Variants in SERHL2 observed in about 807,000 individuals in gnomAD.
SERHL2 encodes the protein serine hydrolase-like protein 2.
Under a neutral mutation model 25.5 loss-of-function variants are expected in SERHL2, and 29 were observed. The observed-to-expected ratio is 1.14, with a 90% confidence interval of 0.85 to 1.55. The LOEUF (loss-of-function observed/expected upper bound fraction) is 1.55. Among genes scored for constraint, SERHL2 ranks in the 40% most tolerant of loss-of-function variants. The pLI, the probability that SERHL2 is intolerant of heterozygous loss-of-function variation, is 0.00. For missense variants in SERHL2, 240 were observed against 252.3 expected (o/e 0.95, Z 0.33); for synonymous variants, 95 against 103.5 (o/e 0.92, Z 0.50).
chr22:42,560,388 C>T (rs755546211), intron 8 of SERHL2, 123 bp downstream of exon 8: 24 of 712,916 alleles, frequency 3.4e-5, no homozygotes, highest in Non-Finnish European at 5.5e-5. Flanking sequence ...CACTGAATCC[C>T]CCTCCTGCCT....
In SERHL2 at chr22:42,574,030, C is replaced by T. The variant is rs1924658483; in HGVS notation, c.920C>T (p.Thr307Ile). ...ASIISSFLQC[T>I]HMLPAQL ...ATCATCAGCTCCTTCTTACAGTGCA[C>T]ACACATGCTCCCAGCCCAGCTGTAG... The change falls in exon 12 of 12, where the codon ACA (threonine) becomes ATA (isoleucine). Residue 307 changes from threonine (T) to isoleucine (I), a missense_variant. By Grantham distance (89) the Thr-to-Ile change is moderately conservative. Transcript: ENST00000327678. 1 of 1,612,432 alleles carries T rather than the reference C, an allele frequency of 6.2e-7. No individual in the cohort carries two copies. The highest frequency in any genetic ancestry group is 8.5e-7 in the Non-Finnish European group (1 of 1,179,104).
At chr22:42,556,017 T>TGGGGA in intron 4 of SERHL2, 47 bp from the exon 5 acceptor site, 1 of 465,234 alleles carries the variant, frequency 2.1e-6, no homozygotes, top group East Asian at 1.2e-4. Flanking sequence ...GGTATGCAGC[T>TGGGGA]GGGGAGGGAG....
chr22:42,574,296 A>G lies in SERHL2; in HGVS notation c.*241A>G. 1 of 546,350 alleles carries G rather than the reference A, an allele frequency of 1.8e-6. No homozygotes were observed. Among genetic ancestry groups the G allele is most frequent in the South Asian group, 2.3e-5 (1 of 43,458 alleles). 33.8% of individuals were successfully genotyped at this position (546,350 alleles called of 1,614,324 possible). Reference sequence around the variant, plus strand: ...CCTGGCTAATAATAAATATCCAGCCAGCTGGAGGAAGGAAGGGCAGGCTGG... The same window carrying G: ...CCTGGCTAATAATAAATATCCAGCCGGCTGGAGGAAGGAAGGGCAGGCTGG... On this transcript the variant is annotated 3_prime_UTR_variant, in exon 12 of 12. Coordinates refer to ENST00000327678, the MANE Select transcript of SERHL2 (RefSeq NM_014509.5).
In SERHL2 at chr22:42,566,163, TGGGCAGCTGAGGACGTC is replaced by T. The variant is rs1213287443; in HGVS notation, c.614-137_614-121del. 2 of 766,116 alleles carry T rather than the reference TGGGCAGCTGAGGACGTC, an allele frequency of 2.6e-6. 1 individual carries two copies. Among genetic ancestry groups the T allele is most frequent in the Non-Finnish European group, 4.3e-6 (2 of 460,368 alleles). 47.5% of individuals were successfully genotyped at this position (766,116 alleles called of 1,614,324 possible). A position where few individuals can be genotyped will look rare whatever the true frequency, so the allele number is the denominator to read the frequency against. On this transcript the variant is annotated intron_variant, in intron 8 of 11. Transcript: ENST00000327678. ...AGCTGGACCCCAGGACAGGGAGTCCTGGGCAGCTGAGGACGTCGGGGGCAGGTGGGAGAAATGGGCCC... is the reference window on the plus strand; with the variant it reads ...AGCTGGACCCCAGGACAGGGAGTCCTGGGGGCAGGTGGGAGAAATGGGCCC...
In SERHL2 at chr22:42,571,138, C is replaced by T; in HGVS notation, c.666C>T (p.Asp222=). 2 of 1,613,426 alleles carry T rather than the reference C, an allele frequency of 1.2e-6. No individual in the cohort carries two copies. The highest frequency in any genetic ancestry group is 1.7e-6 in the Non-Finnish European group (2 of 1,179,638). The stretch of plus-strand genomic sequence containing the variant: ...CTCTGCAGGCAGAGAACAGCATTGA[C>T]TTCATCAGCAGGGAGCTGTGTGCGC... The part of the protein sequence containing the change: ...QRLAWAENSI[D]FISRELCAHS... The change falls in exon 10 of 12, where the codon GAC becomes GAT. Residue 222 remains aspartate (D), a synonymous_variant. Coordinates refer to ENST00000327678, the MANE Select transcript of SERHL2 (RefSeq NM_014509.5).
At chr22:42,560,443 G>A (rs1299384887) in intron 8 of SERHL2, among the ~76,000 whole-genome samples, 178 bp downstream of exon 8, 1 of 151,954 alleles carries the variant, frequency 6.6e-6, no homozygotes, top group African/African-American at 2.4e-5. Context: ...GCTCAGCATT[G>A]CCAAGCAACC....
chr22:42,571,547 T>C, intron 10 of SERHL2: 4 of 946,450 alleles, frequency 4.2e-6, no homozygotes, highest in African/African-American at 1.7e-5. Flanking sequence ...TGCCTCAGCC[T>C]CCCGAGTAGC....
intron 8 of SERHL2, among the ~76,000 whole-genome samples, chr22:42,565,968 C>T (rs1357038271): frequency 6.6e-6 from 1 of 152,016 alleles, no homozygotes; most frequent in Non-Finnish European, 1.5e-5. Flanking sequence ...TTGCTTCTTC[C>T]TAGTGACTAA....
intron 8 of SERHL2, among the ~76,000 whole-genome samples, chr22:42,560,481 T>A (rs78094491): frequency 2.0e-4 from 31 of 151,930 alleles, no homozygotes; most frequent in Non-Finnish European, 4.3e-4. Context: ...TTACTGCACA[T>A]CCCAGAAAGC....
intron 9 of SERHL2, 80 bp from the exon 10 acceptor site, chr22:42,571,041 A>T: frequency 6.2e-7 from 1 of 1,600,806 alleles, no homozygotes; most frequent in Non-Finnish European, 8.5e-7. Context: ...GGACTTAGCC[A>T]CCCCAACAGA....
chr22:42,570,288 A>G (rs1464879302), intron 9 of SERHL2, among the ~76,000 whole-genome samples: 1 of 151,984 alleles, frequency 6.6e-6, no homozygotes, highest in South Asian at 2.1e-4. Flanking sequence ...CTGGTGGCGC[A>G]TGCCTGTAAT....
At chr22:42,564,803 T>C (rs527702167) in intron 8 of SERHL2, among the ~76,000 whole-genome samples, 1 of 152,050 alleles carries the variant, frequency 6.6e-6, no homozygotes, top group Non-Finnish European at 1.5e-5. Flanking sequence ...TAGTCTTTTT[T>C]CTTTTCCTTT....
chr22:42,566,588 A>T (rs372325680), intron 9 of SERHL2, among the ~76,000 whole-genome samples: 3 of 151,798 alleles, frequency 2.0e-5, no homozygotes, highest in Admixed American at 2.0e-4. Context: ...TTATATAGCT[A>T]ACATAATACT....
intron 11 of SERHL2, chr22:42,572,774 C>A (rs545617367): frequency 6.3e-6 from 6 of 954,388 alleles, no homozygotes; most frequent in Non-Finnish European, 7.5e-6. Context: ...AAGCTACTCT[C>A]GTGCCTCAGC....
At chr22:42,560,424 G>GGCTCT (rs1922545184) in intron 8 of SERHL2, among the ~76,000 whole-genome samples, 159 bp downstream of exon 8, 1 of 151,994 alleles carries the variant, frequency 6.6e-6, no homozygotes, top group African/African-American at 2.4e-5. Context: ...TAGAGCAGGA[G>GGCTCT]AAACCAAGGC....
At chr22:42,562,207 G>GGACA (rs1447923703) in intron 8 of SERHL2, among the ~76,000 whole-genome samples, 1 of 151,754 alleles carries the variant, frequency 6.6e-6, no homozygotes, top group Non-Finnish European at 1.5e-5. Flanking sequence ...AGTGCCTCAA[G>GGACA]GACAATGTAG....
In SERHL2 at chr22:42,565,208, C is replaced by T. The variant is rs151030156; in HGVS notation, c.614-1096C>T. 1.1e-3 allele frequency: 173 copies of T among 153,090 alleles called. 5 individuals are homozygous for T. The East Asian group carries it at 0.028, about 25-fold the overall frequency. The allele number at this position is 153,090 out of a possible 1,614,324, so 9.5% of individuals were successfully genotyped here. A position where few individuals can be genotyped will look rare whatever the true frequency, so the allele number is the denominator to read the frequency against. The stretch of plus-strand genomic sequence containing the variant: ...TCCTCTTCGACCGAGTGCACAGTTT[C>T]GGGAGGGACGCACATGGAGCGGTAA... On this transcript the variant is annotated intron_variant, in intron 8 of 11. Transcript: ENST00000327678.
At chr22:42,567,721 T>TTTA (rs553420266) in intron 9 of SERHL2, among the ~76,000 whole-genome samples, 1,570 of 132,050 alleles carry the variant, frequency 0.012, 20 homozygotes, top group African/African-American at 0.029. Context: ...TTTCTTTAAT[T>TTTA]TTATTATTAT....
Position 42,574,037 on chromosome 22 carries a change from G to T in SERHL2, c.927G>T (p.Met309Ile), listed in dbSNP as rs1458526013. The change falls in exon 12 of 12, where the codon ATG becomes ATT. Residue 309 changes from methionine to isoleucine, a missense_variant. Around this residue, in one of 4 missense-constraint regions of SERHL2, gnomAD observed 212 missense variants for 168.9 expected, o/e 1.25. Transcript: ENST00000327678. The stretch of plus-strand genomic sequence containing the variant: ...GCTCCTTCTTACAGTGCACACACAT[G>T]CTCCCAGCCCAGCTGTAGCTCTGGG... ...IISSFLQCTH[M>I]LPAQL 1.2e-6 allele frequency: 2 copies of T among 1,611,580 alleles called. No individual in the cohort carries two copies. The highest frequency in any genetic ancestry group is 4.5e-5 in the East Asian group (2 of 44,794).
Sources: gnomAD v4.1 joint callset for allele counts (sites outside exome capture counted in the v4.1 genomes callset) on GRCh38, gnomAD v4.1.1 for gene constraint, gnomAD v4.1.1 regional missense constraint, MANE v1.5 for transcripts, NCBI Gene and HGNC (gene_info 2026-07-23, HGNC 2026-07-21) for gene names.